SNTG2: variants seen among roughly 807,000 people sequenced by gnomAD.
The protein encoded by SNTG2 is gamma-2-syntrophin.
Under a neutral mutation model 70.9 loss-of-function variants are expected in SNTG2, and 74 were observed. The observed-to-expected ratio is 1.04, with a 90% CI of 0.86 to 1.27. SNTG2 has a LOEUF of 1.27. Among genes scored for constraint, SNTG2 ranks in the 50% most tolerant of loss-of-function variants. SNTG2 has a pLI of 0.00. For synonymous variants in SNTG2, 278 were observed against 273.8 expected, an observed-to-expected ratio of 1.02 and a Z score of -0.15; for missense variants, 717 against 690.7, an observed-to-expected ratio of 1.04 and a Z score of -0.43.
chr2:1,287,670 C>T (rs920538907), intron 14 of SNTG2, among the ~76,000 whole-genome samples: 1 of 152,218 alleles, frequency 6.6e-6, no homozygotes, highest in Non-Finnish European at 1.5e-5. Context: ...CGCCAGACAG[C>T]GAGCACTCGT....
In SNTG2 at chr2:1,341,891, G is replaced by A. The variant is rs535065416; in HGVS notation, c.1489-25452G>A. ...GATAGGGTCTTACTCTGTTGCCCAG[G>A]CTAGAGTGCAGTGGCACAGTCATAG... On this transcript the variant is annotated intron_variant, in intron 16 of 16. Coordinates refer to ENST00000308624, the MANE Select transcript of SNTG2 (RefSeq NM_018968.4). Among the ~76,000 whole-genome samples, 3 of 150,234 alleles carry A rather than the reference G, an allele frequency of 2.0e-5. No individual in the cohort carries two copies. The East Asian group carries it at 5.9e-4, about 30-fold the overall frequency.
At chr2:1,026,122 A>G (rs1302326057) in intron 1 of SNTG2, among the ~76,000 whole-genome samples, 2 of 152,216 alleles carry the variant, frequency 1.3e-5, no homozygotes, top group Non-Finnish European at 2.9e-5. Flanking sequence ...AGTTTCTGGA[A>G]AAGCAAGCAG....
intron 14 of SNTG2, among the ~76,000 whole-genome samples, chr2:1,274,686 C>T (rs1003251265): frequency 9.2e-5 from 14 of 152,280 alleles, no homozygotes; most frequent in East Asian, 3.9e-4. Flanking sequence ...ATTCTGCCCT[C>T]GATCAGGACG....
chr2:1,198,913 C>A (rs1237539312), intron 8 of SNTG2, among the ~76,000 whole-genome samples: 1 of 151,880 alleles, frequency 6.6e-6, no homozygotes, highest in African/African-American at 2.4e-5. Flanking sequence ...CAAAGAAAGC[C>A]CAGGACTGGA....
chr2:1,247,237 T>G, intron 11 of SNTG2, 90 bp from the exon 12 acceptor site: 1 of 760,168 alleles, frequency 1.3e-6, no homozygotes, highest in Non-Finnish European at 2.3e-6. Flanking sequence ...GTTGACCTGA[T>G]GGGATCATGG....
intron 15 of SNTG2, among the ~76,000 whole-genome samples, chr2:1,315,134 T>A (rs1681212385): frequency 2.0e-5 from 3 of 152,218 alleles, no homozygotes; most frequent in Admixed American, 1.3e-4. Context: ...GGGCTCAGTT[T>A]CCTCACTGTG....
chr2:1,356,805 G>T (rs900894538), intron 16 of SNTG2, among the ~76,000 whole-genome samples: 5 of 151,932 alleles, frequency 3.3e-5, no homozygotes, highest in African/African-American at 4.8e-5. Context: ...CATTAACGTG[G>T]TTTTTTTTAT....
At chr2:1,198,333 T>C (rs2147960385) in intron 8 of SNTG2, among the ~76,000 whole-genome samples, 1 of 151,924 alleles carries the variant, frequency 6.6e-6, no homozygotes, top group Non-Finnish European at 1.5e-5. Flanking sequence ...TATACAAAAA[T>C]CTATAGGATA....
chr2:1,149,841 C>A (rs1669358073), intron 6 of SNTG2, among the ~76,000 whole-genome samples: 1 of 150,886 alleles, frequency 6.6e-6, no homozygotes, highest in Admixed American at 6.6e-5. Flanking sequence ...GCTCCCGCCA[C>A]CGCGCCTGGC....
chr2:1,146,741 A>C (rs1558454838), intron 6 of SNTG2, among the ~76,000 whole-genome samples: 1 of 152,218 alleles, frequency 6.6e-6, no homozygotes, highest in Non-Finnish European at 1.5e-5. Context: ...GAACCACATA[A>C]ATATAGTCAA....
chr2:1,316,270 G>T lies in SNTG2; in HGVS notation c.1383G>T (p.Val461=). 2.0e-6 allele frequency: 3 copies of T among 1,505,558 alleles called. No homozygotes were observed. The highest frequency in any genetic ancestry group is 2.8e-5 in the African/African-American group (2 of 72,196). The allele number at this position is 1,505,558 out of a possible 1,614,324, so 93.3% of individuals were successfully genotyped here. A position where few individuals can be genotyped will look rare whatever the true frequency, so the allele number is the denominator to read the frequency against. The part of the protein sequence containing the change: ...FTCFESKTKN[V]LWRFKFSQLK... ...TTAATTTTATTCCTTTACAGAATGT[G>T]CTCTGGAGATTTAAATTTTCCCAGC... Residue 461 remains valine, a synonymous_variant, in exon 16 of 17, where the codon GTG becomes GTT. Coordinates refer to ENST00000308624, the MANE Select transcript of SNTG2 (RefSeq NM_018968.4).
At chr2:968,169 C>A (rs537671539) in intron 1 of SNTG2, among the ~76,000 whole-genome samples, 1 of 151,786 alleles carries the variant, frequency 6.6e-6, no homozygotes, top group Admixed American at 6.6e-5. Context: ...AATTCAGCTT[C>A]TATGATAAGG....
intron 9 of SNTG2, among the ~76,000 whole-genome samples, chr2:1,223,989 C>CCGTAGCCCAGT (rs1558559629): frequency 1.3e-5 from 2 of 152,194 alleles, no homozygotes; most frequent in African/African-American, 4.8e-5. Flanking sequence ...GCTCTGAAGG[C>CCGTAGCCCAGT]TGCAAGTGCA....
intron 16 of SNTG2, among the ~76,000 whole-genome samples, chr2:1,324,468 CCTATT>C (rs1681681416): frequency 6.6e-6 from 1 of 151,920 alleles, no homozygotes; most frequent in African/African-American, 2.4e-5. Context: ...AAAAAGAGAA[CCTATT>C]CTATTAGGAA....
intron 6 of SNTG2, among the ~76,000 whole-genome samples, chr2:1,150,828 T>A (rs1405463714): frequency 6.6e-6 from 1 of 152,158 alleles, no homozygotes; most frequent in Non-Finnish European, 1.5e-5. Flanking sequence ...TGAATAGCCC[T>A]GTGTGGAGGC....
intron 16 of SNTG2, among the ~76,000 whole-genome samples, chr2:1,348,795 A>G (rs1206525743): frequency 6.6e-6 from 1 of 152,114 alleles, no homozygotes; most frequent in African/African-American, 2.4e-5. Context: ...ACAGAGTTTG[A>G]CTCTTTTCAT....
chr2:1,189,704 G>A (rs543047694), intron 8 of SNTG2, among the ~76,000 whole-genome samples: 6 of 152,034 alleles, frequency 3.9e-5, no homozygotes, highest in East Asian at 1.9e-4. Flanking sequence ...ACGCCAGCAC[G>A]CCCAGCTAAT....
At chr2:1,311,003 G>GCA in intron 15 of SNTG2, among the ~76,000 whole-genome samples, 1 of 152,306 alleles carries the variant, frequency 6.6e-6, no homozygotes, top group Admixed American at 6.5e-5. Context: ...TTGCTTGACA[G>GCA]CGTGCGTATC....
intron 2 of SNTG2, among the ~76,000 whole-genome samples, chr2:1,090,586 G>T (rs1047449117): frequency 5.3e-5 from 8 of 152,158 alleles, no homozygotes; most frequent in Non-Finnish European, 1.2e-4. Context: ...GGGCCGGTGG[G>T]TGACTTGAGA....
Sources: gnomAD v4.1 joint callset for allele counts (sites outside exome capture counted in the v4.1 genomes callset) on GRCh38, gnomAD v4.1.1 for gene constraint, MANE v1.5 for transcripts, NCBI Gene and HGNC (gene_info 2026-07-23, HGNC 2026-07-21) for gene names.